The following TSGA10 variants were observed in gnomAD, a reference collection of about 807,000 sequenced individuals.
The protein encoded by TSGA10 is testis specific 10, also known as testis-specific gene 10 protein.
A neutral mutation model predicts 96.6 loss-of-function variants in TSGA10; 43 were observed. That is an observed-to-expected ratio of 0.44 (90% CI 0.35 to 0.57). The LOEUF is 0.57. Ranked by LOEUF, TSGA10 falls within the 20% of genes least tolerant of loss-of-function variation. The pLI is 0.01. For missense variants in TSGA10, 703 were observed against 834.4 expected, an observed-to-expected ratio of 0.84 and a Z score of 1.94; for synonymous variants, 229 against 269.9, an observed-to-expected ratio of 0.85 and a Z score of 1.48.
intron 20 of TSGA10, among the ~76,000 whole-genome samples, chr2:99,006,660 G>A (rs2078506308): frequency 2.6e-5 from 4 of 152,308 alleles, no homozygotes; most frequent in Admixed American, 2.0e-4. Flanking sequence ...TGCTGGAGAG[G>A]ATGTGGAGAA....
At chr2:99,144,751 TC>T (rs2093615150) in intron 1 of TSGA10, among the ~76,000 whole-genome samples, 1 of 151,658 alleles carries the variant, frequency 6.6e-6, no homozygotes, top group Non-Finnish European at 1.5e-5. Context: ...TCTTCACAGT[TC>T]CAGGCCCCAT....
intron 17 of TSGA10, among the ~76,000 whole-genome samples, chr2:99,034,324 C>T (rs2081410328): frequency 6.6e-6 from 1 of 151,960 alleles, no homozygotes; most frequent in African/African-American, 2.4e-5. Flanking sequence ...ATCGCTTGAA[C>T]CAGGGAGTCG....
At chr2:99,109,581 C>A in intron 5 of TSGA10, 69 bp from the exon 6 acceptor site, 8 of 1,290,224 alleles carry the variant, frequency 6.2e-6, no homozygotes, top group Middle Eastern at 2.2e-4. Flanking sequence ...AAAAATTAGA[C>A]CATTATTTCA....
intron 2 of TSGA10, 114 bp downstream of exon 2, chr2:99,126,934 C>G (rs138448077): frequency 0.013 from 12,367 of 968,106 alleles, 84 homozygotes; most frequent in Middle Eastern, 0.015. Context: ...GATTTTAGAC[C>G]CATAACATTT....
chr2:99,029,630 C>G (rs1031888585), intron 17 of TSGA10, among the ~76,000 whole-genome samples: 2 of 151,978 alleles, frequency 1.3e-5, no homozygotes, highest in African/African-American at 4.8e-5. Flanking sequence ...TATTAATAGG[C>G]TAAATAAGAA....
At chr2:99,071,584 T>C (rs188966891) in intron 14 of TSGA10, 122 bp downstream of exon 14, 1 of 868,872 alleles carries the variant, frequency 1.2e-6, no homozygotes, top group South Asian at 2.2e-5. Flanking sequence ...TGTTATTTTT[T>C]AAAAAAAAGA....
chr2:99,141,174 A>G, intron 1 of TSGA10: 2 of 1,246,334 alleles, frequency 1.6e-6, no homozygotes, highest in East Asian at 7.0e-5. Flanking sequence ...TCAGCGGGGG[A>G]TACAAGAACC....
At chr2:99,012,320 A>G (rs1378889821) in intron 20 of TSGA10, among the ~76,000 whole-genome samples, 1 of 152,216 alleles carries the variant, frequency 6.6e-6, no homozygotes, top group Non-Finnish European at 1.5e-5. Context: ...TGAACAGAAC[A>G]ATACCTAACA....
At chr2:99,003,850 A>G (rs2078205714) in intron 20 of TSGA10, among the ~76,000 whole-genome samples, 1 of 152,246 alleles carries the variant, frequency 6.6e-6, no homozygotes, top group Non-Finnish European at 1.5e-5. Context: ...AGAAAGCAGG[A>G]AAGATCTAAA....
intron 1 of TSGA10, chr2:99,142,154 A>C (rs1353903799): frequency 6.6e-6 from 1 of 152,248 alleles, no homozygotes; most frequent in Non-Finnish European, 1.5e-5. Flanking sequence ...GCATTCTTCT[A>C]CCAATTTTTT....
rs1247558463 is a variant in TSGA10 at position 99,154,901 on chromosome 2, T to C, written c.-829A>G. The C allele has an allele frequency of 4.7e-6, 2 of 421,072 alleles. No homozygotes were observed. The highest frequency in any genetic ancestry group is 9.6e-6 in the Non-Finnish European group (2 of 208,982). The allele number at this position is 421,072 out of a possible 1,614,324, so 26.1% of individuals were successfully genotyped here. Reference sequence around the variant, plus strand: ...AGGCGGAGAGACTAGGCGCGATCCCTGCGCGCCCCTCCTTCTCTTGCGCTT... The same window carrying C: ...AGGCGGAGAGACTAGGCGCGATCCCCGCGCGCCCCTCCTTCTCTTGCGCTT... On this transcript the variant is annotated 5_prime_UTR_variant, in exon 1 of 21. Coordinates refer to ENST00000393483, the MANE Select transcript of TSGA10 (RefSeq NM_025244.4).
intron 10 of TSGA10, among the ~76,000 whole-genome samples, chr2:99,091,583 T>C (rs2089347431): frequency 6.6e-6 from 1 of 152,048 alleles, no homozygotes; most frequent in Non-Finnish European, 1.5e-5. Flanking sequence ...AGAATCCACA[T>C]AAACTTAAGG....
intron 20 of TSGA10, among the ~76,000 whole-genome samples, chr2:99,017,545 C>T (rs899132089): frequency 9.2e-5 from 14 of 151,944 alleles, no homozygotes; most frequent in Non-Finnish European, 4.4e-5. Context: ...GCAGGCGGAT[C>T]ACGAGGTCAG....
chr2:99,039,787 T>C lies in TSGA10; in HGVS notation c.1405-4348A>G, dbSNP rs529632514. 9.2e-5 allele frequency among the ~76,000 whole-genome samples: 14 copies of C among 152,130 alleles called. No individual in the cohort carries two copies. In the East Asian group the frequency reaches 2.7e-3, roughly 29 times the overall value. On this transcript the variant is annotated intron_variant, in intron 16 of 20. Transcript: ENST00000393483. Reference sequence around the variant, plus strand: ...TCATTCTATGAAGCCAATATCACACTAATACCAAAACTAGGAAAGGACATA... The same window carrying C: ...TCATTCTATGAAGCCAATATCACACCAATACCAAAACTAGGAAAGGACATA...
chr2:99,153,902 A>G (rs2093720481), intron 1 of TSGA10, among the ~76,000 whole-genome samples: 1 of 152,224 alleles, frequency 6.6e-6, no homozygotes, highest in Non-Finnish European at 1.5e-5. Flanking sequence ...AGTGGTTTCT[A>G]TTTTAACTGA....
chr2:99,154,634 C>A, intron 1 of TSGA10, 59 bp downstream of exon 1: 1 of 186,312 alleles, frequency 5.4e-6, no homozygotes, highest in South Asian at 8.2e-5. Context: ...CTTCTGGGGG[C>A]TCCCCCTAAA....
At chr2:99,040,583 G>T (rs2082093058) in intron 16 of TSGA10, among the ~76,000 whole-genome samples, 1 of 152,002 alleles carries the variant, frequency 6.6e-6, no homozygotes, top group Non-Finnish European at 1.5e-5. Context: ...GCTCTACAAG[G>T]AAAACTACAA....
At chr2:99,137,103 A>G (rs545913375) in intron 1 of TSGA10, among the ~76,000 whole-genome samples, 1 of 151,570 alleles carries the variant, frequency 6.6e-6, no homozygotes, top group African/African-American at 2.4e-5. Context: ...GGTTCAAGCA[A>G]TTCCCTGCCT....
intron 4 of TSGA10, among the ~76,000 whole-genome samples, chr2:99,114,401 T>C (rs2092076119): frequency 6.6e-6 from 1 of 152,084 alleles, no homozygotes; most frequent in Non-Finnish European, 1.5e-5. Flanking sequence ...TTAACTGAGG[T>C]TGGTGATTTC....
Sources: allele counts gnomAD v4.1 joint callset (sites outside exome capture counted in the v4.1 genomes callset), GRCh38; gene constraint gnomAD v4.1.1; transcripts MANE v1.5; gene names NCBI Gene and HGNC (gene_info 2026-07-23, HGNC 2026-07-21).